The following EBF2 variants were observed in gnomAD, a reference collection of about 807,000 sequenced individuals.
The protein encoded by EBF2 is EBF transcription factor 2, also known as transcription factor COE2.
A neutral mutation model predicts 72.8 loss-of-function variants in EBF2; 21 were observed. The observed-to-expected ratio is 0.29, with a 90% CI of 0.20 to 0.42. The LOEUF (loss-of-function observed/expected upper bound fraction) is 0.42. Among genes scored for constraint, EBF2 ranks in the 10% least tolerant of loss-of-function variants. The pLI is 1.00. For synonymous variants in EBF2, 299 were observed against 274.2 expected (o/e 1.09, Z -0.89); for missense variants, 637 against 731.2 (o/e 0.87, Z 1.49).
intron 6 of EBF2, chr8:26,032,805 G>T (rs765601452): frequency 1.3e-4 from 43 of 335,046 alleles, no homozygotes; most frequent in Non-Finnish European, 2.2e-4. Context: ...GAAAGGAGAG[G>T]TGCCATCGCT....
intron 7 of EBF2, among the ~76,000 whole-genome samples, chr8:25,903,571 C>G (rs1333815820): frequency 6.6e-6 from 1 of 152,172 alleles, no homozygotes; most frequent in Non-Finnish European, 1.5e-5. Context: ...GTGGCAAGTG[C>G]CTGTAATCCC....
intron 10 of EBF2, among the ~76,000 whole-genome samples, chr8:25,870,674 G>T (rs1214490502): frequency 6.6e-6 from 1 of 152,058 alleles, no homozygotes; most frequent in Non-Finnish European, 1.5e-5. Context: ...AGGATACAGG[G>T]TCATGTCTAG....
At chr8:25,973,223 A>C (rs1036296917) in intron 6 of EBF2, among the ~76,000 whole-genome samples, 1 of 152,170 alleles carries the variant, frequency 6.6e-6, no homozygotes, top group Non-Finnish European at 1.5e-5. Context: ...GGCAGACTTA[A>C]AAAAATAAAA....
chr8:26,024,097 A>C (rs1805258668), intron 6 of EBF2, among the ~76,000 whole-genome samples: 1 of 152,160 alleles, frequency 6.6e-6, no homozygotes, highest in African/African-American at 2.4e-5. Flanking sequence ...CGTCACATGT[A>C]CCCAAGTACC....
chr8:25,927,761 C>T (rs1040104088), intron 6 of EBF2, among the ~76,000 whole-genome samples: 8 of 152,130 alleles, frequency 5.3e-5, no homozygotes, highest in African/African-American at 1.7e-4. Flanking sequence ...TCAGTTGGAA[C>T]TTAAGTCCTA....
Position 25,870,624 on chromosome 8 carries a change from A to G in EBF2, c.1010-7827T>C, listed in dbSNP as rs60547865. Among the ~76,000 whole-genome samples the G allele has an allele frequency of 3.0e-3, 452 of 152,120 alleles. 3 individuals carry two copies. The highest frequency in any genetic ancestry group is 0.01 in the African/African-American group (427 of 41,494). On this transcript the variant is annotated intron_variant, in intron 10 of 15. Transcript: ENST00000520164. ...TTTTTTAAAATATAATTTATCACGCATTTGCACCCATTGTTCTCCCAACCA... is the reference window on the plus strand; with the variant it reads ...TTTTTTAAAATATAATTTATCACGCGTTTGCACCCATTGTTCTCCCAACCA...
chr8:25,882,425 T>G (rs1168821463), intron 10 of EBF2, among the ~76,000 whole-genome samples: 2 of 152,232 alleles, frequency 1.3e-5, no homozygotes, highest in Non-Finnish European at 1.5e-5. Context: ...TGAAGAGACC[T>G]GGCTGTACCA....
At chr8:25,893,905 G>A (rs1802824439) in intron 7 of EBF2, among the ~76,000 whole-genome samples, 1 of 152,116 alleles carries the variant, frequency 6.6e-6, no homozygotes, top group Non-Finnish European at 1.5e-5. Context: ...TCTCTTGCTG[G>A]CTCACGCTGG....
intron 6 of EBF2, among the ~76,000 whole-genome samples, chr8:25,995,240 A>G (rs1804605727): frequency 6.6e-6 from 1 of 152,234 alleles, no homozygotes; most frequent in Admixed American, 6.5e-5. Flanking sequence ...TGGAAGACGG[A>G]GGTTGCAGTG....
chr8:25,977,623 CT>C (rs1477826908), intron 6 of EBF2, among the ~76,000 whole-genome samples: 5 of 152,184 alleles, frequency 3.3e-5, no homozygotes, highest in Admixed American at 6.5e-5. Context: ...TTCAAACAAG[CT>C]AGTTATGCCT....
In EBF2 at chr8:25,881,995, C is replaced by T. The variant is rs1223762040; in HGVS notation, c.1009+4760G>A. The stretch of plus-strand genomic sequence containing the variant: ...CTCGATAAAACCTTGCACTCATTCT[C>T]CAAGCCCAGGTGTGATCCAATTCTT... On this transcript the variant is annotated intron_variant, in intron 10 of 15. Transcript: ENST00000520164. Among the ~76,000 whole-genome samples the T allele has an allele frequency of 3.3e-5, 5 of 152,220 alleles. No homozygotes were observed. The East Asian group carries it at 9.6e-4, about 29-fold the overall frequency.
chr8:25,850,968 A>G (rs958861100), intron 14 of EBF2, among the ~76,000 whole-genome samples: 9 of 152,182 alleles, frequency 5.9e-5, no homozygotes, highest in African/African-American at 2.2e-4. Context: ...TAATGACGCT[A>G]TTAGAGGAAG....
chr8:25,986,885 G>A (rs1246454944), intron 6 of EBF2, among the ~76,000 whole-genome samples: 1 of 152,118 alleles, frequency 6.6e-6, no homozygotes, highest in South Asian at 2.1e-4. Context: ...ATATAAAGAA[G>A]CCCAGTGTGG....
chr8:25,999,685 A>C (rs1585221680), intron 6 of EBF2, among the ~76,000 whole-genome samples: 4 of 143,320 alleles, frequency 2.8e-5, no homozygotes, highest in Admixed American at 7.1e-5. Context: ...ACCGTCCCCC[A>C]TATCCACACA....
At chr8:26,027,036 C>T (rs1220410331) in intron 6 of EBF2, among the ~76,000 whole-genome samples, 2 of 152,190 alleles carry the variant, frequency 1.3e-5, no homozygotes, top group African/African-American at 4.8e-5. Context: ...GAAATCTTCA[C>T]TCAGGAGATA....
chr8:25,942,031 G>A (rs1021957576), intron 6 of EBF2, among the ~76,000 whole-genome samples: 17 of 152,210 alleles, frequency 1.1e-4, no homozygotes, highest in African/African-American at 3.9e-4. Flanking sequence ...CCATGTTCCC[G>A]TCCTCAGGGA....
intron 6 of EBF2, among the ~76,000 whole-genome samples, chr8:25,938,259 C>T (rs1803612168): frequency 6.6e-6 from 1 of 151,712 alleles, no homozygotes; most frequent in African/African-American, 2.4e-5. Flanking sequence ...TCAGAATTCC[C>T]TAATTCCCTA....
intron 13 of EBF2, among the ~76,000 whole-genome samples, chr8:25,859,067 G>A (rs1466274580): frequency 1.3e-5 from 2 of 152,114 alleles, no homozygotes; most frequent in Admixed American, 6.5e-5. Flanking sequence ...ACCAAGGAGC[G>A]AATGGCTAAT....
intron 6 of EBF2, among the ~76,000 whole-genome samples, chr8:26,005,270 T>TTATATATTATATATA (rs1804824461): frequency 1.4e-3 from 2 of 1,420 alleles, no homozygotes; most frequent in African/African-American, 4.7e-3. Flanking sequence ...TAATATATAA[T>TTATATATTATATATA]ATATATAATT....
Sources: gnomAD v4.1 joint callset for allele counts (sites outside exome capture counted in the v4.1 genomes callset) on GRCh38, gnomAD v4.1.1 for gene constraint, MANE v1.5 for transcripts, NCBI Gene and HGNC (gene_info 2026-07-23, HGNC 2026-07-21) for gene names.